Variants in SNTG1 observed in about 807,000 individuals in gnomAD.
SNTG1 encodes the protein syntrophin gamma 1.
In SNTG1, 39 loss-of-function variants were observed where a neutral mutation model predicts 74.7. That is an observed-to-expected ratio of 0.52 (90% CI 0.40 to 0.68). The LOEUF is 0.68. SNTG1 is among the 30% of genes least tolerant of loss of function. The pLI is 0.00. For synonymous variants in SNTG1, 254 were observed against 217.1 expected (o/e 1.17, Z -1.49); for missense variants, 685 against 609.5 (o/e 1.12, Z -1.30).
chr8:50,162,587 A>G (rs1233018825), intron 1 of SNTG1, among the ~76,000 whole-genome samples: 1 of 150,850 alleles, frequency 6.6e-6, no homozygotes, highest in Non-Finnish European at 1.5e-5. Flanking sequence ...AGAAAAAAAA[A>G]GAAAGAAAAC....
intron 15 of SNTG1, among the ~76,000 whole-genome samples, chr8:50,701,753 TC>T (rs2095426205): frequency 2.4e-5 from 2 of 83,880 alleles, no homozygotes; most frequent in African/African-American, 6.3e-5. Flanking sequence ...TTCTCCTTCT[TC>T]TCCTTCTTCT....
intron 2 of SNTG1, among the ~76,000 whole-genome samples, chr8:50,196,777 T>C (rs2083785017): frequency 6.8e-6 from 1 of 148,066 alleles, no homozygotes; most frequent in Non-Finnish European, 1.5e-5. Flanking sequence ...GCCAACAAGC[T>C]GAAACTCCAT....
intron 17 of SNTG1, among the ~76,000 whole-genome samples, chr8:50,715,218 G>T (rs562904636): frequency 6.6e-6 from 1 of 152,040 alleles, no homozygotes; most frequent in East Asian, 1.9e-4. Context: ...GTAGCACAAA[G>T]AATATTCATA....
chr8:50,406,341 A>T (rs2092876066), intron 4 of SNTG1, among the ~76,000 whole-genome samples: 1 of 152,018 alleles, frequency 6.6e-6, no homozygotes, highest in Non-Finnish European at 1.5e-5. Context: ...CTTTTGGATT[A>T]TTTATTGTTA....
At position 50,576,695 on chromosome 8, in the gene SNTG1, A is replaced by G. The variant is rs1451304883; in HGVS notation, c.811-14184A>G. On this transcript the variant is annotated intron_variant, in intron 12 of 18. Transcript: ENST00000642720. ...TTCACCTCTTACTTAATTCCTAAGT[A>G]TTTTATTCTCTTTGATACTTTTGAT... 3.3e-5 allele frequency among the ~76,000 whole-genome samples: 5 copies of G among 152,120 alleles called. No individual in the cohort carries two copies. The East Asian group carries it at 9.7e-4, about 29-fold the overall frequency.
chr8:50,306,636 C>T (rs907073407), intron 2 of SNTG1, among the ~76,000 whole-genome samples: 1 of 151,880 alleles, frequency 6.6e-6, no homozygotes, highest in African/African-American at 2.4e-5. Context: ...ATTTGCATTT[C>T]CCTGATGATT....
chr8:50,331,826 T>C (rs2090976733), intron 2 of SNTG1, among the ~76,000 whole-genome samples: 1 of 152,254 alleles, frequency 6.6e-6, no homozygotes, highest in East Asian at 1.9e-4. Context: ...GAACTTATAA[T>C]GAGAACAACT....
In SNTG1 at chr8:50,450,573, C is replaced by A. The variant is rs1440793668; in HGVS notation, c.295C>A (p.Leu99Ile). Residue 99 changes from leucine (L) to isoleucine (I), a missense_variant, in exon 7 of 19, where the codon CTT becomes ATT. Transcript: ENST00000642720. Reference sequence around the variant, plus strand: ...ATTCACAGCGGAACTTTCAGGACTACTTTTTATTGGAGATGCAATTCTACA... The same window carrying A: ...ATTCACAGCGGAACTTTCAGGACTAATTTTTATTGGAGATGCAATTCTACA... The part of the protein sequence containing the change: ...KEQRAELSGL[L>I]FIGDAILQIN... 1.2e-6 allele frequency: 2 copies of A among 1,613,412 alleles called. No homozygotes were observed.
chr8:50,405,106 G>A (rs2092854816), intron 4 of SNTG1, among the ~76,000 whole-genome samples: 1 of 152,032 alleles, frequency 6.6e-6, no homozygotes, highest in Non-Finnish European at 1.5e-5. Context: ...AATGCCTCTA[G>A]GAACATGGGT....
chr8:50,335,538 TTCTG>T (rs2091111343), intron 2 of SNTG1, among the ~76,000 whole-genome samples: 1 of 152,174 alleles, frequency 6.6e-6, no homozygotes, highest in Admixed American at 6.5e-5. Context: ...AGAAGTCTCT[TTCTG>T]TCTGTGTTCA....
At chr8:50,232,466 A>T (rs1172769187) in intron 2 of SNTG1, among the ~76,000 whole-genome samples, 1 of 151,498 alleles carries the variant, frequency 6.6e-6, no homozygotes, top group East Asian at 1.9e-4. Context: ...GAAAAATAGA[A>T]AAACTACAGC....
chr8:50,629,874 A>G (rs2094984179), intron 13 of SNTG1, among the ~76,000 whole-genome samples: 1 of 152,308 alleles, frequency 6.6e-6, no homozygotes, highest in East Asian at 1.9e-4. Context: ...CAATTGTCTG[A>G]TGAATTTAGC....
chr8:50,385,509 C>T (rs2092560335), intron 2 of SNTG1, among the ~76,000 whole-genome samples: 1 of 152,142 alleles, frequency 6.6e-6, no homozygotes, highest in Non-Finnish European at 1.5e-5. Flanking sequence ...TGTTAATAAG[C>T]CTAGAATAGT....
chr8:50,340,208 C>A (rs1165750367), intron 2 of SNTG1, among the ~76,000 whole-genome samples: 2 of 151,892 alleles, frequency 1.3e-5, no homozygotes, highest in African/African-American at 4.8e-5. Context: ...TTTGTAGATA[C>A]TAATAAACTG....
intron 2 of SNTG1, among the ~76,000 whole-genome samples, chr8:50,343,136 T>C (rs893792817): frequency 5.3e-5 from 8 of 152,210 alleles, no homozygotes; most frequent in South Asian, 2.1e-4. Context: ...GATGGATTTA[T>C]GTCGCTCATA....
chr8:50,165,164 A>G (rs1563683355), intron 1 of SNTG1, among the ~76,000 whole-genome samples: 1 of 152,172 alleles, frequency 6.6e-6, no homozygotes, highest in African/African-American at 2.4e-5. Flanking sequence ...TTGCTTACTG[A>G]AAAGAGAGCA....
intron 1 of SNTG1, among the ~76,000 whole-genome samples, chr8:49,916,690 A>C (rs1241771622): frequency 6.6e-6 from 1 of 152,096 alleles, no homozygotes; most frequent in Non-Finnish European, 1.5e-5. Flanking sequence ...CAAAATTTGA[A>C]CAATAATGTG....
chr8:50,344,814 G>T (rs916467127), intron 2 of SNTG1, among the ~76,000 whole-genome samples: 4 of 152,156 alleles, frequency 2.6e-5, no homozygotes, highest in African/African-American at 9.7e-5. Flanking sequence ...ATACATCACA[G>T]CCCTAACCCC....
chr8:50,086,304 A>G (rs912106537), intron 1 of SNTG1, among the ~76,000 whole-genome samples: 3 of 152,160 alleles, frequency 2.0e-5, no homozygotes, highest in African/African-American at 7.2e-5. Context: ...GGAGACAACC[A>G]TGGGTACAGA....
Sources: gnomAD v4.1 joint callset for allele counts (sites outside exome capture counted in the v4.1 genomes callset) on GRCh38, gnomAD v4.1.1 for gene constraint, MANE v1.5 for transcripts, NCBI Gene and HGNC (gene_info 2026-07-23, HGNC 2026-07-21) for gene names.